The following ACSM5 variants were observed in gnomAD, a reference collection of about 807,000 sequenced individuals.
ACSM5 encodes the protein acyl-coenzyme A synthetase ACSM5, mitochondrial.
ACSM5 carries 56 observed loss-of-function variants against 71.6 expected under a neutral mutation model. That is an observed-to-expected ratio of 0.78 (90% confidence interval 0.63 to 0.98). The LOEUF (loss-of-function observed/expected upper bound fraction) is 0.98. ACSM5 is among the 50% of genes least tolerant of loss of function. The probability of loss-of-function intolerance (pLI) is 0.00; values close to 1 mark genes in which losing one functional copy is unlikely to be tolerated. For synonymous variants in ACSM5, 285 were observed against 281.5 expected (o/e 1.01, Z -0.12); for missense variants, 723 against 726.0 (o/e 1.00, Z 0.05).
intron 10 of ACSM5, among the ~76,000 whole-genome samples, chr16:20,434,616 C>A (rs1967159683): frequency 6.6e-6 from 1 of 152,200 alleles, no homozygotes; most frequent in Non-Finnish European, 1.5e-5. Flanking sequence ...ATTGCTTGAA[C>A]CCGGGAGGCA....
rs948762929 is a variant in ACSM5 at position 20,419,547 on chromosome 16, A to G, written c.623+112A>G. On this transcript the variant is annotated intron_variant, in intron 4 of 13. Transcript: ENST00000331849. ...CATAGAGAGCGAATCAGAGAGGAGC[A>G]CTCCCATTGGCAGCCAGGCTGACCT... The G allele has an allele frequency of 5.5e-5, 59 of 1,063,614 alleles. No individual in the cohort carries two copies. The African/African-American group carries it at 8.5e-4, about 15-fold the overall frequency. The allele number at this position is 1,063,614 out of a possible 1,614,324, so 65.9% of individuals were successfully genotyped here. A position where few individuals can be genotyped will look rare whatever the true frequency, so the allele number is the denominator to read the frequency against.
intron 8 of ACSM5, among the ~76,000 whole-genome samples, chr16:20,430,053 T>C (rs995116613): frequency 3.6e-4 from 55 of 151,714 alleles, no homozygotes; most frequent in Non-Finnish European, 7.2e-4. Context: ...AGGAAGAAGG[T>C]GAGAGGAGGG....
At chr16:20,414,899 A>C (rs1243354087) in intron 2 of ACSM5, among the ~76,000 whole-genome samples, 1 of 152,238 alleles carries the variant, frequency 6.6e-6, no homozygotes, top group Non-Finnish European at 1.5e-5. Flanking sequence ...TGTTAGTAGA[A>C]ATATGAACAT....
intron 6 of ACSM5, 25 bp from the exon 7 acceptor site, chr16:20,427,763 T>G: frequency 6.6e-7 from 1 of 1,523,896 alleles, no homozygotes. Flanking sequence ...TCTAAGGACA[T>G]CTTTCACCCT....
At chr16:20,437,564 A>G (rs1405798505) in intron 12 of ACSM5, among the ~76,000 whole-genome samples, 197 bp downstream of exon 12, 1 of 151,510 alleles carries the variant, frequency 6.6e-6, no homozygotes, top group Non-Finnish European at 1.5e-5. Flanking sequence ...ATGGGAAAAC[A>G]CCAACACTTT....
intron 10 of ACSM5, among the ~76,000 whole-genome samples, chr16:20,432,110 T>C (rs1003126863): frequency 3.3e-5 from 5 of 152,158 alleles, no homozygotes; most frequent in Admixed American, 6.5e-5. Context: ...GCTTCTCTTT[T>C]GTATTCATCT....
chr16:20,437,744 G>A (rs1441002151), intron 12 of ACSM5, among the ~76,000 whole-genome samples: 7 of 150,614 alleles, frequency 4.6e-5, no homozygotes, highest in African/African-American at 1.7e-4. Flanking sequence ...TAACCTAAGA[G>A]GGATAGAATA....
intron 6 of ACSM5, among the ~76,000 whole-genome samples, chr16:20,427,352 C>T (rs1306452444): frequency 6.6e-6 from 1 of 152,182 alleles, no homozygotes; most frequent in Non-Finnish European, 1.5e-5. Flanking sequence ...TTTTAGTAGA[C>T]TTCAATTTCT....
intron 6 of ACSM5, among the ~76,000 whole-genome samples, chr16:20,426,097 T>A (rs964037576): frequency 2.0e-5 from 3 of 152,178 alleles, no homozygotes; most frequent in Admixed American, 1.3e-4. Context: ...CATCTATTAT[T>A]TTTTGATATT....
rs1421365754 is a variant in ACSM5, at chr16:20,441,122, A to G, written c.*695A>G. 1 of 152,222 alleles carries G rather than the reference A, an allele frequency of 6.6e-6. No homozygotes were observed. Among genetic ancestry groups the G allele is most frequent in the Non-Finnish European group, 1.5e-5 (1 of 68,048 alleles). 9.4% of individuals were successfully genotyped at this position (152,222 alleles called of 1,614,324 possible). ...GTAAGCTATATTAATTTTAAAAATC[A>G]GAGCAAAAATATTCATACTGGAGAA... On this transcript the variant is annotated 3_prime_UTR_variant, in exon 14 of 14. Transcript: ENST00000331849.
At chr16:20,423,824 G>C in intron 5 of ACSM5, 92 bp from the exon 6 acceptor site, 1 of 1,491,842 alleles carries the variant, frequency 6.7e-7, no homozygotes, top group South Asian at 1.3e-5. Flanking sequence ...TACCCACTGA[G>C]CAGGGCTCCA....
In ACSM5 at chr16:20,437,075, A is replaced by G. The variant is rs1567348535; in HGVS notation, c.1332A>G (p.Ala444=). The G allele has an allele frequency of 6.2e-7, 1 of 1,614,210 alleles. No homozygotes were observed. Among genetic ancestry groups the G allele is most frequent in the Non-Finnish European group, 8.5e-7 (1 of 1,180,044 alleles). The change falls in exon 11 of 14, where the codon GCA becomes GCG. Residue 444 remains alanine (A), a synonymous_variant. Transcript: ENST00000331849. ...CYLDNPEKTA[A]SEQGDFYITG... is the part of the protein sequence containing the mutation. ...AGGACAATCCTGAGAAGACAGCTGC[A>G]TCAGAACAAGGGGACTTTTACATCA...
intron 8 of ACSM5, among the ~76,000 whole-genome samples, 199 bp from the exon 9 acceptor site, chr16:20,430,789 GTGAGC>G (rs1967079608): frequency 1.5e-5 from 2 of 130,352 alleles, no homozygotes; most frequent in East Asian, 2.6e-4. Context: ...AAAGGAAGGA[GTGAGC>G]AAGGAAGAAA....
intron 2 of ACSM5, among the ~76,000 whole-genome samples, chr16:20,417,387 G>A (rs1221127176): frequency 1.3e-5 from 2 of 152,194 alleles, no homozygotes; most frequent in Admixed American, 6.5e-5. Context: ...ATAATGTAAT[G>A]CCAATTCATG....
intron 5 of ACSM5, 96 bp from the exon 6 acceptor site, chr16:20,423,820 C>G (rs1966923693): frequency 6.8e-7 from 1 of 1,472,126 alleles, no homozygotes; most frequent in Non-Finnish European, 9.3e-7. Context: ...TGAGTACCCA[C>G]TGAGCAGGGC....
chr16:20,432,281 G>T (rs1376294330), intron 10 of ACSM5, among the ~76,000 whole-genome samples: 1 of 152,004 alleles, frequency 6.6e-6, no homozygotes, highest in East Asian at 1.9e-4. Flanking sequence ...GTGTGGATCA[G>T]TTTCCCAGGC....
rs779478920 is a variant in ACSM5, at chr16:20,418,265, G to A, written c.411G>A (p.Arg137=). 37 of 1,609,844 alleles carry A rather than the reference G, an allele frequency of 2.3e-5. No individual in the cohort carries two copies. In the South Asian group the frequency reaches 4.1e-4, roughly 18 times the overall value. Reference sequence around the variant, plus strand: ...GGCTGGTCAGTGTGGCTTGCATGCGGACAGGTCAGTAAGCAGGGCTGGGAA... The same window carrying A: ...GGCTGGTCAGTGTGGCTTGCATGCGAACAGGTCAGTAAGCAGGGCTGGGAA... ...EWWLVSVACM[R]TGTVMIPGVT... The change falls in exon 3 of 14, where the codon CGG becomes CGA. Residue 137 remains arginine, a synonymous_variant. Coordinates refer to ENST00000331849, the MANE Select transcript of ACSM5 (RefSeq NM_017888.3).
chr16:20,427,823 T>C lies in ACSM5; in HGVS notation c.957T>C (p.Cys319=). The C allele has an allele frequency of 6.2e-7, 1 of 1,614,104 alleles. No individual in the cohort carries two copies. The highest frequency in any genetic ancestry group is 8.5e-7 in the Non-Finnish European group (1 of 1,179,970). The part of the protein sequence containing the change: ...LSKFPITTLC[C]VPTIFRLLVQ... ...AATTCCCGATAACCACCCTCTGCTG[T>C]GTCCCAACCATCTTTCGGCTGCTTG... Residue 319 remains cysteine, a synonymous_variant, in exon 7 of 14, where the codon TGT becomes TGC. Coordinates refer to ENST00000331849, the MANE Select transcript of ACSM5 (RefSeq NM_017888.3).
chr16:20,421,437 G>A (rs766378132), intron 5 of ACSM5, 36 bp downstream of exon 5: 16 of 1,528,844 alleles, frequency 1.0e-5, no homozygotes, highest in South Asian at 8.6e-5. Context: ...TCCAAGAACA[G>A]AAAGTGGGGA....
Sources: gnomAD v4.1 joint callset for allele counts (sites outside exome capture counted in the v4.1 genomes callset) on GRCh38, gnomAD v4.1.1 for gene constraint, MANE v1.5 for transcripts, NCBI Gene and HGNC (gene_info 2026-07-23, HGNC 2026-07-21) for gene names.